Variants in UNC5C observed in about 807,000 individuals in gnomAD.
UNC5C encodes the protein unc-5 netrin receptor C, also known as netrin receptor UNC5C.
In UNC5C, 47 loss-of-function variants were observed where a neutral mutation model predicts 99.8. The observed-to-expected ratio is 0.47, with a 90% CI of 0.37 to 0.60. The LOEUF (loss-of-function observed/expected upper bound fraction) is 0.60, where lower values mean the gene tolerates loss of function less well. Among genes scored for constraint, UNC5C ranks in the 20% least tolerant of loss-of-function variants. The pLI is 0.00. For synonymous variants in UNC5C, 487 were observed against 452.2 expected (o/e 1.08, Z -0.98); for missense variants, 1,062 against 1,165.9 (o/e 0.91, Z 1.30).
At chr4:95,195,923 A>G (rs1433800344) in intron 12 of UNC5C, among the ~76,000 whole-genome samples, 2 of 151,726 alleles carry the variant, frequency 1.3e-5, no homozygotes, top group Admixed American at 1.3e-4. Flanking sequence ...AAGCCAGGTT[A>G]TGTTAATACA....
chr4:95,521,210 CTTTTTTCTTTTTTCTTTT>C (rs1238724028), intron 1 of UNC5C, among the ~76,000 whole-genome samples: 1 of 84,352 alleles, frequency 1.2e-5, no homozygotes, highest in Non-Finnish European at 2.2e-5. Flanking sequence ...TTTTTTTTTT[CTTTTTTCTTTTTTCTTTT>C]TTTTTTGAGG....
At chr4:95,330,655 T>TA (rs897137298) in intron 2 of UNC5C, among the ~76,000 whole-genome samples, 14 of 152,110 alleles carry the variant, frequency 9.2e-5, no homozygotes, top group East Asian at 3.9e-4. Context: ...TTTCCAGGAG[T>TA]AAAAAATCAC....
intron 1 of UNC5C, among the ~76,000 whole-genome samples, chr4:95,375,529 A>G (rs955555084): frequency 2.0e-5 from 3 of 152,184 alleles, no homozygotes; most frequent in Non-Finnish European, 4.4e-5. Flanking sequence ...TAATCTGAAA[A>G]CCCACAAAAG....
chr4:95,293,722 C>T (rs1413701051), intron 3 of UNC5C, among the ~76,000 whole-genome samples: 1 of 152,180 alleles, frequency 6.6e-6, no homozygotes, highest in African/African-American at 2.4e-5. Context: ...ACTGGTTAAA[C>T]ACATGGACTT....
At chr4:95,389,666 T>C (rs1406925077) in intron 1 of UNC5C, among the ~76,000 whole-genome samples, 1 of 152,178 alleles carries the variant, frequency 6.6e-6, no homozygotes, top group Non-Finnish European at 1.5e-5. Context: ...TATGTAAATT[T>C]ACTTTTTTCA....
intron 1 of UNC5C, among the ~76,000 whole-genome samples, chr4:95,477,260 G>C (rs1332914251): frequency 6.6e-6 from 1 of 151,962 alleles, no homozygotes; most frequent in Non-Finnish European, 1.5e-5. Context: ...ATATAGGCAG[G>C]CCACATTTTT....
intron 3 of UNC5C, among the ~76,000 whole-genome samples, chr4:95,292,274 T>G (rs1741503006): frequency 6.8e-6 from 1 of 146,912 alleles, no homozygotes; most frequent in East Asian, 2.0e-4. Context: ...TATAAATTTT[T>G]TTTGTTTTTT....
chr4:95,184,251 G>A (rs990854140), intron 13 of UNC5C, among the ~76,000 whole-genome samples: 1 of 152,162 alleles, frequency 6.6e-6, no homozygotes, highest in Admixed American at 6.5e-5. Context: ...GTAGGAACTA[G>A]ACCAATGAGA....
At chr4:95,390,555 C>T (rs2149444892) in intron 1 of UNC5C, among the ~76,000 whole-genome samples, 1 of 152,320 alleles carries the variant, frequency 6.6e-6, no homozygotes, top group East Asian at 1.9e-4. Flanking sequence ...ATTGTCCCCA[C>T]CTCCCTGGGC....
chr4:95,389,555 TTTTAA>T (rs1189180248), intron 1 of UNC5C, among the ~76,000 whole-genome samples: 1 of 152,090 alleles, frequency 6.6e-6, no homozygotes, highest in African/African-American at 2.4e-5. Flanking sequence ...TTAACTGAAT[TTTTAA>T]TTTTAATTTA....
intron 2 of UNC5C, among the ~76,000 whole-genome samples, chr4:95,328,069 T>TAA (rs1394586981): frequency 7.2e-6 from 1 of 139,820 alleles, no homozygotes. Context: ...TTAATTTTTT[T>TAA]TTTTTTTTAT....
At chr4:95,337,775 C>G (rs905740474) in intron 1 of UNC5C, among the ~76,000 whole-genome samples, 2 of 151,918 alleles carry the variant, frequency 1.3e-5, no homozygotes, top group African/African-American at 4.8e-5. Context: ...GAAAATGCAA[C>G]TTATTAAGGA....
At chr4:95,526,968 A>G (rs1024478590) in intron 1 of UNC5C, among the ~76,000 whole-genome samples, 17 of 152,148 alleles carry the variant, frequency 1.1e-4, no homozygotes, top group Non-Finnish European at 1.5e-5. Flanking sequence ...AACCAATAAT[A>G]CAAAGCAAAA....
intron 1 of UNC5C, among the ~76,000 whole-genome samples, chr4:95,416,383 T>C (rs1238505797): frequency 6.6e-6 from 1 of 152,142 alleles, no homozygotes; most frequent in Non-Finnish European, 1.5e-5. Context: ...TTGAACAGTA[T>C]TAGCCTGTAG....
chr4:95,544,905 C>T (rs1404226236), intron 1 of UNC5C, among the ~76,000 whole-genome samples: 1 of 152,240 alleles, frequency 6.6e-6, no homozygotes, highest in African/African-American at 2.4e-5. Context: ...CCCTCTGCTG[C>T]TTCTGCAAAG....
intron 1 of UNC5C, among the ~76,000 whole-genome samples, chr4:95,340,492 C>T (rs78307336): frequency 0.028 from 4,265 of 151,990 alleles, 164 homozygotes; most frequent in African/African-American, 0.097. Flanking sequence ...GAGACTCCAG[C>T]TTATTTTTAA....
intron 3 of UNC5C, among the ~76,000 whole-genome samples, chr4:95,299,308 G>T (rs150876678): frequency 2.6e-5 from 4 of 152,118 alleles, no homozygotes; most frequent in Non-Finnish European, 1.5e-5. Flanking sequence ...CAAGAAGAGC[G>T]GCCTCAGGAG....
chr4:95,386,272 G>T (rs535767298), intron 1 of UNC5C, among the ~76,000 whole-genome samples: 1 of 151,824 alleles, frequency 6.6e-6, no homozygotes. Flanking sequence ...CATTGTGCAG[G>T]TTAGTTACTT....
At chr4:95,179,306 AG>A (rs1260852761) in intron 14 of UNC5C, among the ~76,000 whole-genome samples, 2 of 152,222 alleles carry the variant, frequency 1.3e-5, no homozygotes, top group African/African-American at 4.8e-5. Flanking sequence ...GCTGTAGCAG[AG>A]TGATATTACT....
Sources: allele counts gnomAD v4.1 joint callset (sites outside exome capture counted in the v4.1 genomes callset), GRCh38; gene constraint gnomAD v4.1.1; transcripts MANE v1.5; gene names NCBI Gene and HGNC (gene_info 2026-07-23, HGNC 2026-07-21).